Variants in ZDHHC18 observed in about 807,000 individuals in gnomAD.
The protein encoded by ZDHHC18 is zDHHC palmitoyltransferase 18, also known as palmitoyltransferase ZDHHC18.
Under a neutral mutation model 37.5 loss-of-function variants are expected in ZDHHC18, and 23 were observed. That is an observed-to-expected ratio of 0.61 (90% confidence interval 0.44 to 0.87). ZDHHC18 has a LOEUF of 0.87. Among genes scored for constraint, ZDHHC18 ranks in the 40% least tolerant of loss-of-function variants. The pLI is 0.00. For missense variants in ZDHHC18, 406 were observed against 525.6 expected (o/e 0.77, Z 2.22); for synonymous variants, 185 against 218.7 (o/e 0.85, Z 1.36).
intron 2 of ZDHHC18, among the ~76,000 whole-genome samples, chr1:26,847,783 G>A (rs2081679397): frequency 6.6e-6 from 1 of 151,878 alleles, no homozygotes; most frequent in African/African-American, 2.4e-5. Flanking sequence ...CTGGGCTCAA[G>A]TGATCCTCAC....
chr1:26,846,290 G>GTGTGTGTA (rs1176068068), intron 2 of ZDHHC18, among the ~76,000 whole-genome samples: 6 of 47,858 alleles, frequency 1.3e-4, no homozygotes, highest in African/African-American at 5.5e-4. Flanking sequence ...GTGTGTGTGT[G>GTGTGTGTA]TATATATATA....
intron 2 of ZDHHC18, among the ~76,000 whole-genome samples, chr1:26,835,948 T>G (rs889760168): frequency 5.3e-5 from 8 of 151,848 alleles, no homozygotes; most frequent in Non-Finnish European, 1.0e-4. Flanking sequence ...TGAGGTAGAG[T>G]GACCAGCTCC....
At position 26,832,575 on chromosome 1, in the gene ZDHHC18, T is replaced by G; in HGVS notation, c.464T>G (p.Val155Gly). The G allele has an allele frequency of 1.2e-6, 2 of 1,614,178 alleles. No homozygotes were observed. Among genetic ancestry groups the G allele is most frequent in the Non-Finnish European group, 8.5e-7 (1 of 1,180,012 alleles). ...TDPGILPRAT[V>G]CEAAALEKQI... ...CCTGGGATCCTGCCCCGGGCCACTGTCTGTGAAGCAGCCGCCCTGGAGAAA... is the reference window on the plus strand; with the variant it reads ...CCTGGGATCCTGCCCCGGGCCACTGGCTGTGAAGCAGCCGCCCTGGAGAAA... Residue 155 changes from valine (V) to glycine (G), a missense_variant, in exon 2 of 8, where the codon GTC (valine) becomes GGC (glycine). Physicochemically the swap from Val to Gly is moderately radical, Grantham distance 109 (BLOSUM62 -3). Coordinates refer to ENST00000374142, the MANE Select transcript of ZDHHC18 (RefSeq NM_032283.3).
intron 7 of ZDHHC18, 29 bp from the exon 8 acceptor site, chr1:26,853,697 C>T (rs1330856022): frequency 1.1e-5 from 18 of 1,603,840 alleles, no homozygotes; most frequent in Non-Finnish European, 1.5e-5. Context: ...TGGGCAGAGC[C>T]CTCATGTGTC....
At chr1:26,838,238 G>A (rs942426152) in intron 2 of ZDHHC18, among the ~76,000 whole-genome samples, 9 of 151,474 alleles carry the variant, frequency 5.9e-5, no homozygotes, top group African/African-American at 1.7e-4. Context: ...CCGGTGATCC[G>A]CCCGCCTCAG....
At chr1:26,835,358 G>A (rs554575348) in intron 2 of ZDHHC18, among the ~76,000 whole-genome samples, 9 of 152,198 alleles carry the variant, frequency 5.9e-5, no homozygotes, top group Admixed American at 5.9e-4. Flanking sequence ...AACTTGAATA[G>A]AAGCCAAATT....
Position 26,848,552 on chromosome 1 carries a change from ATC to A in ZDHHC18, c.497-55_497-54del. On this transcript the variant is annotated intron_variant, in intron 2 of 7. Transcript: ENST00000374142. The stretch of plus-strand genomic sequence containing the variant: ...CAGCAGTAGCTTTCCCCTGCTGGGG[ATC>A]CGGGCCCTGGGCTGCCTTGGGCATT... The A allele has an allele frequency of 5.7e-6, 9 of 1,579,636 alleles. No homozygotes were observed. In the South Asian group the frequency reaches 1.0e-4, roughly 18 times the overall value.
chr1:26,843,659 A>G (rs1300728751), intron 2 of ZDHHC18, among the ~76,000 whole-genome samples: 9 of 151,664 alleles, frequency 5.9e-5, no homozygotes, highest in African/African-American at 2.2e-4. Flanking sequence ...GCGTAGTGGC[A>G]CACACCTGTA....
intron 3 of ZDHHC18, 68 bp downstream of exon 3, chr1:26,848,825 C>A: frequency 6.4e-7 from 1 of 1,566,272 alleles, no homozygotes; most frequent in Non-Finnish European, 8.7e-7. Context: ...GGATGGGGGG[C>A]ATCAAGCATG....
chr1:26,837,869 AC>A (rs765925931), intron 2 of ZDHHC18, among the ~76,000 whole-genome samples: 48 of 151,546 alleles, frequency 3.2e-4, no homozygotes, highest in Non-Finnish European at 6.3e-4. Flanking sequence ...GGTCCCTGGC[AC>A]CCCCAGCCAC....
chr1:26,843,305 G>A lies in ZDHHC18; in HGVS notation c.497-5303G>A, dbSNP rs578070624. On this transcript the variant is annotated intron_variant, in intron 2 of 7. Transcript: ENST00000374142. Reference sequence around the variant, plus strand: ...TTATAGGCACGCACCACCACACCCGGCTAACTTTTGTGTTTTTAGTAGAGA... The same window carrying A: ...TTATAGGCACGCACCACCACACCCGACTAACTTTTGTGTTTTTAGTAGAGA... Among the ~76,000 whole-genome samples the A allele has an allele frequency of 7.3e-5, 11 of 150,972 alleles. No individual in the cohort carries two copies. In the East Asian group the frequency reaches 2.2e-3, roughly 30 times the overall value.
At chr1:26,847,807 A>G (rs1446916869) in intron 2 of ZDHHC18, among the ~76,000 whole-genome samples, 1 of 151,950 alleles carries the variant, frequency 6.6e-6, no homozygotes, top group East Asian at 1.9e-4. Flanking sequence ...TCAGCCTCCC[A>G]AAGTGCTGGG....
At chr1:26,835,783 T>A (rs2081608844) in intron 2 of ZDHHC18, among the ~76,000 whole-genome samples, 1 of 152,228 alleles carries the variant, frequency 6.6e-6, no homozygotes, top group Admixed American at 6.5e-5. Context: ...GGTTGGGAGC[T>A]GTCTCTGAGG....
Position 26,826,700 on chromosome 1 carries a change from A to T in ZDHHC18, c.-105A>T. On this transcript the variant is annotated 5_prime_UTR_variant, in exon 1 of 8. Transcript: ENST00000374142. The surrounding 1 kb of genome is among the most constrained non-coding windows in gnomAD (Gnocchi z 5.2). ...GCGGGGCCGCCCCAGTGAGTGAGCG[A>T]GCGAGCGCCGCGCGCGCCGCCGCTG... 2.4e-6 allele frequency: 1 copy of T among 418,910 alleles called. No individual in the cohort carries two copies. The highest frequency in any genetic ancestry group is 3.2e-6 in the Non-Finnish European group (1 of 314,540). 25.9% of individuals were successfully genotyped at this position (418,910 alleles called of 1,614,324 possible).
intron 2 of ZDHHC18, among the ~76,000 whole-genome samples, chr1:26,845,161 G>T (rs1378532934): frequency 2.6e-5 from 4 of 151,774 alleles, no homozygotes; most frequent in Non-Finnish European, 5.9e-5. Flanking sequence ...TTGACCTGAG[G>T]TCATCCACCT....
chr1:26,853,772 T>C lies in ZDHHC18; in HGVS notation c.1096T>C (p.Ser366Pro), dbSNP rs1240027019. The C allele has an allele frequency of 6.2e-7, 1 of 1,614,010 alleles. No homozygotes were observed. Among genetic ancestry groups the C allele is most frequent in the Non-Finnish European group, 8.5e-7 (1 of 1,180,022 alleles). ...TGTGCAGTCCGACACCGTGTTGCCC[T>C]CACCCATCAGAAGCGATGAGCCAGC... ...GFVQSDTVLP[S>P]PIRSDEPACR... Residue 366 changes from serine (S) to proline (P), a missense_variant, in exon 8 of 8, where the codon TCA becomes CCA. Coordinates refer to ENST00000374142, the MANE Select transcript of ZDHHC18 (RefSeq NM_032283.3).
chr1:26,826,976 G>GGCAGCT lies in ZDHHC18; in HGVS notation c.173_174insCAGCTG (p.Ser59_Gly60insTrpSer). 8.2e-7 allele frequency: 1 copy of GGCAGCT among 1,222,062 alleles called. No homozygotes were observed. The highest frequency in any genetic ancestry group is 4.1e-5 in the South Asian group (1 of 24,338). 75.7% of individuals were successfully genotyped at this position (1,222,062 alleles called of 1,614,324 possible). A position where few individuals can be genotyped will look rare whatever the true frequency, so the allele number is the denominator to read the frequency against. On this transcript the variant is annotated inframe_insertion, in exon 1 of 8. Coordinates refer to ENST00000374142, the MANE Select transcript of ZDHHC18 (RefSeq NM_032283.3). This position sits in a 1 kb window ranked among gnomAD's most constrained non-coding sequence, Gnocchi z 5.2. ...CAGCAGCGGCAGCGGCAGCGGCAGC[G>GGCAGCT]GGAGCGGGAGCCTCGGCCGCCGCCC...
intron 2 of ZDHHC18, among the ~76,000 whole-genome samples, chr1:26,845,429 T>G (rs1402061201): frequency 6.9e-6 from 1 of 145,572 alleles, no homozygotes; most frequent in East Asian, 2.0e-4. Flanking sequence ...ACCTCCCTGG[T>G]TCAAGTGATT....
rs202062883 is a variant in ZDHHC18 at position 26,832,535 on chromosome 1, A to G, written c.424A>G (p.Thr142Ala). 6.2e-7 allele frequency: 1 copy of G among 1,614,166 alleles called. No individual in the cohort carries two copies. The highest frequency in any genetic ancestry group is 2.2e-5 in the East Asian group (1 of 44,876). The change falls in exon 2 of 8, where the codon ACA (threonine) becomes GCA (alanine). Residue 142 changes from threonine to alanine, a missense_variant. Physicochemically the swap from Thr to Ala is moderately conservative, Grantham distance 58. Coordinates refer to ENST00000374142, the MANE Select transcript of ZDHHC18 (RefSeq NM_032283.3). The stretch of plus-strand genomic sequence containing the variant: ...CTTCGTCATGAGCTGCCTGCTGCAG[A>G]CAAGCTTCACCGACCCTGGGATCCT... The part of the protein sequence containing the change: ...FFFVMSCLLQ[T>A]SFTDPGILPR...
Sources: allele counts gnomAD v4.1 joint callset (sites outside exome capture counted in the v4.1 genomes callset), GRCh38; gene constraint gnomAD v4.1.1; non-coding constraint Gnocchi (gnomAD v3.1); transcripts MANE v1.5; gene names NCBI Gene and HGNC (gene_info 2026-07-23, HGNC 2026-07-21).